The following CCDC50 variants were observed in gnomAD, a reference collection of about 807,000 sequenced individuals.
The protein encoded by CCDC50 is coiled-coil domain-containing protein 50.
A neutral mutation model predicts 70.2 loss-of-function variants in CCDC50; 54 were observed. The ratio of observed to expected loss-of-function variants is 0.77; its 90% CI spans 0.62 to 0.96. CCDC50 has a LOEUF of 0.96. Ranked by LOEUF, CCDC50 falls within the 50% of genes least tolerant of loss-of-function variation. CCDC50 has a pLI of 0.00. For missense variants in CCDC50, 558 were observed against 578.7 expected (o/e 0.96, Z 0.37); for synonymous variants, 216 against 198.8 (o/e 1.09, Z -0.73).
rs1713807729 is a variant in CCDC50, at chr3:191,394,716, T to C, written c.*2956T>C. The C allele has an allele frequency of 6.6e-6, 1 of 152,166 alleles. No individual in the cohort carries two copies. Among genetic ancestry groups the C allele is most frequent in the Admixed American group, 6.5e-5 (1 of 15,280 alleles). 9.4% of individuals were successfully genotyped at this position (152,166 alleles called of 1,614,324 possible). On this transcript the variant is annotated 3_prime_UTR_variant, in exon 12 of 12. Coordinates refer to ENST00000392455, the MANE Select transcript of CCDC50 (RefSeq NM_178335.3). ...ACATAGACACCCACTCTCCTCCACATTTTATAAATCATTGTTTGGAAGTAA... is the reference window on the plus strand; with the variant it reads ...ACATAGACACCCACTCTCCTCCACACTTTATAAATCATTGTTTGGAAGTAA...
chr3:191,381,455 G>C (rs751308063), intron 9 of CCDC50, among the ~76,000 whole-genome samples: 3 of 152,090 alleles, frequency 2.0e-5, no homozygotes, highest in Admixed American at 2.0e-4. Context: ...AGTTTGGACG[G>C]TTATCTTTCC....
At chr3:191,385,002 CT>C (rs1259398442) in intron 10 of CCDC50, among the ~76,000 whole-genome samples, 4 of 152,214 alleles carry the variant, frequency 2.6e-5, no homozygotes, top group African/African-American at 7.2e-5. Flanking sequence ...TGATTTCATT[CT>C]TTTTTGTGGC....
chr3:191,350,002 G>A (rs1162852038), intron 1 of CCDC50, among the ~76,000 whole-genome samples: 7 of 107,516 alleles, frequency 6.5e-5, no homozygotes, highest in African/African-American at 2.2e-4. Context: ...GATACTCTAA[G>A]CAGAAATATC....
At chr3:191,345,103 A>T (rs1020729856) in intron 1 of CCDC50, among the ~76,000 whole-genome samples, 1 of 152,208 alleles carries the variant, frequency 6.6e-6, no homozygotes, top group Non-Finnish European at 1.5e-5. Flanking sequence ...AGGTTATGGG[A>T]TGTTTCTTGA....
chr3:191,380,097 T>C, intron 6 of CCDC50, 62 bp from the exon 7 acceptor site: 2 of 1,051,470 alleles, frequency 1.9e-6, no homozygotes, highest in Non-Finnish European at 1.4e-6. Flanking sequence ...CTTAAATTTC[T>C]TAACTTTTCA....
intron 5 of CCDC50, among the ~76,000 whole-genome samples, chr3:191,371,139 C>T (rs1712900582): frequency 6.6e-6 from 1 of 151,996 alleles, no homozygotes; most frequent in African/African-American, 2.4e-5. Flanking sequence ...TTAAGATTTC[C>T]ATGTTCATTT....
At chr3:191,374,257 A>C (rs1057045420) in intron 5 of CCDC50, among the ~76,000 whole-genome samples, 6 of 152,186 alleles carry the variant, frequency 3.9e-5, no homozygotes, top group African/African-American at 1.4e-4. Flanking sequence ...GGGGACATAT[A>C]CTTAGCATAT....
rs1327434177 is a variant in CCDC50 at position 191,374,948 on chromosome 3, C to T, written c.449-114C>T. The T allele has an allele frequency of 2.7e-6, 3 of 1,097,798 alleles. No individual in the cohort carries two copies. The African/African-American group carries it at 4.7e-5, about 17-fold the overall frequency. The allele number at this position is 1,097,798 out of a possible 1,614,324, so 68.0% of individuals were successfully genotyped here. ...ATTTAAGTTGAAAAAGCAATTTTCTCCATTTTTAAAGTACGTTAAACTGGA... is the reference window on the plus strand; with the variant it reads ...ATTTAAGTTGAAAAAGCAATTTTCTTCATTTTTAAAGTACGTTAAACTGGA... On this transcript the variant is annotated intron_variant, in intron 5 of 11. Coordinates refer to ENST00000392455, the MANE Select transcript of CCDC50 (RefSeq NM_178335.3).
chr3:191,385,848 C>T (rs569388305), intron 10 of CCDC50, among the ~76,000 whole-genome samples: 2 of 152,114 alleles, frequency 1.3e-5, no homozygotes, highest in African/African-American at 4.8e-5. Context: ...ATATGGTCAG[C>T]CAGTTTTCCC....
At chr3:191,375,831 A>T (rs1009364542) in intron 6 of CCDC50, among the ~76,000 whole-genome samples, 1 of 152,128 alleles carries the variant, frequency 6.6e-6, no homozygotes, top group East Asian at 1.9e-4. Flanking sequence ...GAGTTATTCC[A>T]TGCCCAGGTT....
At chr3:191,378,421 A>G (rs1713190470) in intron 6 of CCDC50, among the ~76,000 whole-genome samples, 2 of 152,118 alleles carry the variant, frequency 1.3e-5, no homozygotes, top group South Asian at 2.1e-4. Context: ...ATAATAGTGG[A>G]GAAAATTTGG....
At chr3:191,354,967 G>T (rs2108646638) in intron 1 of CCDC50, among the ~76,000 whole-genome samples, 1 of 152,218 alleles carries the variant, frequency 6.6e-6, no homozygotes, top group Non-Finnish European at 1.5e-5. Context: ...ATTCAGTACA[G>T]CCACATTTTT....
Position 191,380,196 on chromosome 3 carries a change from T to C in CCDC50, c.1014T>C (p.Thr338=). 1 of 1,603,694 alleles carries C rather than the reference T, an allele frequency of 6.2e-7. No homozygotes were observed. The highest frequency in any genetic ancestry group is 8.5e-7 in the Non-Finnish European group (1 of 1,171,390). The change falls in exon 7 of 12, where the codon ACT becomes ACC. Residue 338 remains threonine, a synonymous_variant. Coordinates refer to ENST00000392455, the MANE Select transcript of CCDC50 (RefSeq NM_178335.3). The part of the protein sequence containing the change: ...KPRVMKEAVS[T]PSRMAHRDQE... ...GAGTGATGAAAGAAGCTGTATCTAC[T>C]CCATCACGAATGGCCCACAGGGATC...
At chr3:191,340,305 A>G (rs759194911) in intron 1 of CCDC50, among the ~76,000 whole-genome samples, 1 of 152,224 alleles carries the variant, frequency 6.6e-6, no homozygotes, top group African/African-American at 2.4e-5. Flanking sequence ...TGCGCCTTAT[A>G]TACTATCATA....
At chr3:191,357,717 A>G (rs1213342248) in intron 2 of CCDC50, among the ~76,000 whole-genome samples, 1 of 152,242 alleles carries the variant, frequency 6.6e-6, no homozygotes, top group Non-Finnish European at 1.5e-5. Context: ...TAGAAAGAGC[A>G]TTGGCCCTGG....
rs746534418 is a variant in CCDC50, at chr3:191,389,507, C to CTA, written c.1336_1337dup (p.Met447SerfsTer2). On this transcript the variant is annotated frameshift_variant, in exon 11 of 12. Coordinates refer to ENST00000392455, the MANE Select transcript of CCDC50 (RefSeq NM_178335.3). LOFTEE classifies it high-confidence loss of function. ...TGGATTCCTTTTAGGCCACCACCAC[C>CTA]TATCATGACAGATGGTGAAGATGCG... 6.2e-7 allele frequency: 1 copy of CTA among 1,614,002 alleles called. No individual in the cohort carries two copies.
At chr3:191,359,482 G>A (rs1214345985) in intron 3 of CCDC50, among the ~76,000 whole-genome samples, 1 of 152,168 alleles carries the variant, frequency 6.6e-6, no homozygotes, top group Non-Finnish European at 1.5e-5. Flanking sequence ...TAAATTATAA[G>A]GAATGGAGAA....
chr3:191,387,780 C>CTAAT (rs1713548686), intron 10 of CCDC50, among the ~76,000 whole-genome samples: 2 of 152,246 alleles, frequency 1.3e-5, no homozygotes, highest in East Asian at 3.9e-4. Context: ...TGGTGAGGCA[C>CTAAT]TAATCATGGA....
rs1368898059 is a variant in CCDC50, at chr3:191,392,550, A to G, written c.*790A>G. The stretch of plus-strand genomic sequence containing the variant: ...GCCAAGGAAATGGAATTGAAAGATG[A>G]TTGCATAAGTAATGATGCCATCCTT... On this transcript the variant is annotated 3_prime_UTR_variant, in exon 12 of 12. Transcript: ENST00000392455. The G allele has an allele frequency of 6.6e-6, 1 of 152,204 alleles. No homozygotes were observed. The highest frequency in any genetic ancestry group is 1.5e-5 in the Non-Finnish European group (1 of 68,038). 9.4% of individuals were successfully genotyped at this position (152,204 alleles called of 1,614,324 possible).
Sources: allele counts gnomAD v4.1 joint callset (sites outside exome capture counted in the v4.1 genomes callset), GRCh38; gene constraint gnomAD v4.1.1; transcripts MANE v1.5; gene names NCBI Gene and HGNC (gene_info 2026-07-23, HGNC 2026-07-21).